The following CTNNA2 variants were observed in gnomAD, a reference collection of about 807,000 sequenced individuals.
CTNNA2 encodes catenin alpha-2.
Under a neutral mutation model 101.0 loss-of-function variants are expected in CTNNA2, and 42 were observed. The observed-to-expected ratio is 0.42, with a 90% CI of 0.32 to 0.54. The LOEUF is 0.54. CTNNA2 is among the 20% of genes least tolerant of loss of function. CTNNA2 has a pLI of 0.14. For synonymous variants in CTNNA2, 450 were observed against 456.4 expected, an observed-to-expected ratio of 0.99 and a Z score of 0.18; for missense variants, 871 against 1,223.1, an observed-to-expected ratio of 0.71 and a Z score of 4.29.
intron 4 of CTNNA2, among the ~76,000 whole-genome samples, chr2:79,409,153 T>C (rs1217158916): frequency 6.6e-6 from 1 of 152,204 alleles, no homozygotes; most frequent in African/African-American, 2.4e-5. Flanking sequence ...GTTGTTTGTT[T>C]CTTTCTTGTA....
At chr2:80,014,970 A>C (rs1402310799) in intron 7 of CTNNA2, among the ~76,000 whole-genome samples, 1 of 152,144 alleles carries the variant, frequency 6.6e-6, no homozygotes, top group Non-Finnish European at 1.5e-5. Flanking sequence ...GGGTGGTCAA[A>C]ATTATCTCTA....
chr2:80,302,256 C>G lies in CTNNA2; in HGVS notation c.1057-90955C>G. 6.2e-7 allele frequency: 1 copy of G among 1,612,434 alleles called. No homozygotes were observed. Among genetic ancestry groups the G allele is most frequent in the Non-Finnish European group, 8.5e-7 (1 of 1,179,168 alleles). On this transcript the variant is annotated intron_variant, in intron 7 of 18. Coordinates refer to ENST00000402739, the MANE Select transcript of CTNNA2 (RefSeq NM_001282597.3). This position sits in a 1 kb window ranked among gnomAD's most constrained non-coding sequence, Gnocchi z 6.4. Reference sequence around the variant, plus strand: ...GTTGAGAGCCACTGGGACAATCACACCTCGCATTCCCTCGCGGGCTGCTGG... The same window carrying G: ...GTTGAGAGCCACTGGGACAATCACAGCTCGCATTCCCTCGCGGGCTGCTGG...
intron 6 of CTNNA2, among the ~76,000 whole-genome samples, chr2:79,906,309 C>A (rs1265603306): frequency 6.6e-6 from 1 of 151,936 alleles, no homozygotes; most frequent in Non-Finnish European, 1.5e-5. Context: ...CACACACACA[C>A]ACAGACACAC....
intron 1 of CTNNA2, among the ~76,000 whole-genome samples, chr2:79,190,783 T>G (rs1673843650): frequency 1.3e-5 from 2 of 151,980 alleles, no homozygotes; most frequent in Admixed American, 1.3e-4. Context: ...TGTACCCGAG[T>G]TGTGTTCAGT....
chr2:80,377,899 C>CTTGACT lies in CTNNA2; in HGVS notation c.1057-15309_1057-15308insACTTTG, dbSNP rs545729476. ...ATCTCTCATCTGTGGCCAGAGGAAA[C>CTTGACT]TTGGCCTTAACATTCTTTGACTCCC... On this transcript the variant is annotated intron_variant, in intron 7 of 18. Coordinates refer to ENST00000402739, the MANE Select transcript of CTNNA2 (RefSeq NM_001282597.3). Among the ~76,000 whole-genome samples the CTTGACT allele has an allele frequency of 2.0e-4, 30 of 152,282 alleles. No homozygotes were observed. In the East Asian group the frequency reaches 5.0e-3, roughly 25 times the overall value.
chr2:79,651,544 T>C lies in CTNNA2; in HGVS notation c.-5-8T>C. ...ATTATTTCTAACTGATTACATGTGT[T>C]CCCATAGGGAGCATGACTTCGGCAA... On this transcript the variant is annotated splice_polypyrimidine_tract_variant and splice_region_variant and intron_variant, in intron 1 of 18. Coordinates refer to ENST00000402739, the MANE Select transcript of CTNNA2 (RefSeq NM_001282597.3). 1 of 1,611,406 alleles carries C rather than the reference T, an allele frequency of 6.2e-7. No homozygotes were observed. Among genetic ancestry groups the C allele is most frequent in the Non-Finnish European group, 8.5e-7 (1 of 1,177,742 alleles).
chr2:79,569,987 C>G (rs1675361513), intron 1 of CTNNA2, among the ~76,000 whole-genome samples: 1 of 152,138 alleles, frequency 6.6e-6, no homozygotes, highest in Non-Finnish European at 1.5e-5. Context: ...GAACAGTCCT[C>G]ATAGTACAAC....
chr2:79,672,855 G>A (rs979269450), intron 2 of CTNNA2, among the ~76,000 whole-genome samples: 11 of 151,798 alleles, frequency 7.2e-5, no homozygotes, highest in Non-Finnish European at 1.2e-4. Context: ...GATTACAGGC[G>A]CCTGCCACCA....
intron 7 of CTNNA2, among the ~76,000 whole-genome samples, chr2:80,160,576 C>T (rs1704251950): frequency 6.6e-6 from 1 of 151,972 alleles, no homozygotes; most frequent in Non-Finnish European, 1.5e-5. Context: ...TTTTTAATTT[C>T]CATGTCAGGT....
chr2:79,639,552 C>CATA (rs1425015946), intron 1 of CTNNA2, among the ~76,000 whole-genome samples: 3 of 152,136 alleles, frequency 2.0e-5, no homozygotes, highest in African/African-American at 7.2e-5. Context: ...GCATTCTGGA[C>CATA]ATAAGTCCTC....
intron 1 of CTNNA2, among the ~76,000 whole-genome samples, chr2:79,615,724 A>G (rs750842205): frequency 2.6e-5 from 4 of 152,156 alleles, no homozygotes; most frequent in Admixed American, 6.5e-5. Context: ...TCATATTACT[A>G]TAAGACCTCT....
intron 3 of CTNNA2, among the ~76,000 whole-genome samples, chr2:79,844,373 G>A (rs1680046363): frequency 6.6e-6 from 1 of 152,126 alleles, no homozygotes. Flanking sequence ...AATAGTGTCT[G>A]GAGATTGAAG....
At chr2:79,461,245 T>C (rs1212586493) in intron 4 of CTNNA2, among the ~76,000 whole-genome samples, 1 of 152,274 alleles carries the variant, frequency 6.6e-6, no homozygotes, top group African/African-American at 2.4e-5. Flanking sequence ...GTCTGTATCA[T>C]TTAAGACACA....
chr2:80,008,338 C>T (rs1693524078), intron 7 of CTNNA2, among the ~76,000 whole-genome samples: 1 of 152,190 alleles, frequency 6.6e-6, no homozygotes, highest in African/African-American at 2.4e-5. Flanking sequence ...GAGAACTGAA[C>T]CCCTGTGGTG....
At chr2:79,920,217 C>CA (rs1388619981) in intron 7 of CTNNA2, among the ~76,000 whole-genome samples, 1 of 152,090 alleles carries the variant, frequency 6.6e-6, no homozygotes, top group Admixed American at 6.5e-5. Context: ...AACTCCATCT[C>CA]AAAAAAACAA....
intron 6 of CTNNA2, among the ~76,000 whole-genome samples, chr2:79,896,267 A>G (rs1203771910): frequency 6.7e-6 from 1 of 150,098 alleles, no homozygotes; most frequent in Non-Finnish European, 1.5e-5. Flanking sequence ...TGAGCAACAG[A>G]GTATGAGACC....
chr2:80,126,086 C>G (rs1003835995), intron 7 of CTNNA2, among the ~76,000 whole-genome samples: 2 of 152,112 alleles, frequency 1.3e-5, no homozygotes, highest in African/African-American at 4.8e-5. Flanking sequence ...TAGATTTTTG[C>G]CCTGTGTAGA....
chr2:80,033,876 T>G (rs188629792), intron 7 of CTNNA2, among the ~76,000 whole-genome samples: 9 of 151,438 alleles, frequency 5.9e-5, no homozygotes, highest in Non-Finnish European at 1.3e-4. Flanking sequence ...TCAGTAAAAA[T>G]TGTAGCAGTC....
At chr2:80,252,662 G>T (rs1162410582) in intron 7 of CTNNA2, among the ~76,000 whole-genome samples, 1 of 152,186 alleles carries the variant, frequency 6.6e-6, no homozygotes, top group African/African-American at 2.4e-5. Flanking sequence ...GATCTGGGCA[G>T]ATGGAAAATA....
Sources: allele counts gnomAD v4.1 joint callset (sites outside exome capture counted in the v4.1 genomes callset), GRCh38; gene constraint gnomAD v4.1.1; non-coding constraint Gnocchi (gnomAD v3.1); transcripts MANE v1.5; gene names NCBI Gene and HGNC (gene_info 2026-07-23, HGNC 2026-07-21).